DOCK3: variants seen among roughly 807,000 people sequenced by gnomAD.
DOCK3 encodes the protein dedicator of cytokinesis protein 3.
A neutral mutation model predicts 265.6 loss-of-function variants in DOCK3; 60 were observed. That is an observed-to-expected ratio of 0.23 (90% CI 0.18 to 0.28). DOCK3 has a LOEUF of 0.28. DOCK3 is among the 10% of genes least tolerant of loss of function. DOCK3 has a pLI of 1.00. For synonymous variants in DOCK3, 881 were observed against 938.0 expected (o/e 0.94, Z 1.11); for missense variants, 1,981 against 2,594.3 (o/e 0.76, Z 5.14).
chr3:50,965,657 G>A (rs2077006388), intron 5 of DOCK3, among the ~76,000 whole-genome samples: 1 of 151,918 alleles, frequency 6.6e-6, no homozygotes, highest in African/African-American at 2.4e-5. Context: ...TTAGTTTAAC[G>A]CTTTCTTACA....
At chr3:51,017,962 G>A (rs9861513) in intron 5 of DOCK3, among the ~76,000 whole-genome samples, 136,218 of 151,236 alleles carry the variant, frequency 0.9, 61,590 homozygotes, top group African/African-American at 0.95. Context: ...GCACGATCTC[G>A]GCTCACTGTA....
intron 5 of DOCK3, among the ~76,000 whole-genome samples, chr3:51,053,110 T>TATATATATATATAG (rs2081066376): frequency 8.0e-6 from 1 of 125,150 alleles, no homozygotes; most frequent in Admixed American, 8.3e-5. Context: ...TATATATATA[T>TATATATATATATAG]ATATATATAT....
intron 5 of DOCK3, among the ~76,000 whole-genome samples, chr3:51,017,405 A>T (rs1218151455): frequency 6.6e-6 from 1 of 150,464 alleles, no homozygotes; most frequent in Non-Finnish European, 1.5e-5. Flanking sequence ...GCTAACTTTG[A>T]GTTTGGTTTG....
At chr3:50,739,792 G>A (rs193209235) in intron 1 of DOCK3, among the ~76,000 whole-genome samples, 5 of 151,984 alleles carry the variant, frequency 3.3e-5, no homozygotes, top group Admixed American at 3.3e-4. Flanking sequence ...TCTGTTATCT[G>A]TTTCCTTCTC....
intron 16 of DOCK3, 77 bp downstream of exon 16, chr3:51,227,522 T>A (rs1239306502): frequency 1.3e-6 from 2 of 1,563,634 alleles, no homozygotes; most frequent in African/African-American, 2.7e-5. Flanking sequence ...CAGAATTAAG[T>A]GGATTCTTAT....
chr3:51,147,453 T>C (rs1261870079), intron 10 of DOCK3, among the ~76,000 whole-genome samples: 1 of 152,182 alleles, frequency 6.6e-6, no homozygotes, highest in African/African-American at 2.4e-5. Flanking sequence ...TAACTCGTGA[T>C]TTACATTAAG....
At chr3:51,032,648 C>T (rs1356403798) in intron 5 of DOCK3, among the ~76,000 whole-genome samples, 1 of 152,080 alleles carries the variant, frequency 6.6e-6, no homozygotes, top group Non-Finnish European at 1.5e-5. Flanking sequence ...TGGCTAACAT[C>T]TATAATCACA....
At chr3:51,082,269 TGC>T (rs2082268920) in intron 7 of DOCK3, among the ~76,000 whole-genome samples, 1 of 151,560 alleles carries the variant, frequency 6.6e-6, no homozygotes, top group South Asian at 2.1e-4. Flanking sequence ...CCCACCAGAC[TGC>T]GTTTTTCTAC....
At chr3:50,860,745 C>T (rs1038416609) in intron 3 of DOCK3, among the ~76,000 whole-genome samples, 10 of 152,362 alleles carry the variant, frequency 6.6e-5, no homozygotes, top group East Asian at 5.8e-4. Context: ...TGCCCCTCCC[C>T]CTGGGAGCTC....
Position 51,333,170 on chromosome 3 carries a change from G to C in DOCK3, c.3528G>C (p.Lys1176Asn). 6.2e-7 allele frequency: 1 copy of C among 1,614,006 alleles called. No homozygotes were observed. The highest frequency in any genetic ancestry group is 8.5e-7 in the Non-Finnish European group (1 of 1,179,898). The change falls in exon 35 of 53, where the codon AAG becomes AAC. Residue 1176 changes from lysine (K) to asparagine (N), a missense_variant. Lys to Asn is a moderately conservative substitution (Grantham distance 94). Coordinates refer to ENST00000266037, the MANE Select transcript of DOCK3 (RefSeq NM_004947.5). The part of the protein sequence containing the change: ...LFGPYPSLLE[K>N]VEQETWRETG... ...CCTCCACCAATAGCCTGCTGGAGAA[G>C]GTTGAACAAGAAACATGGCGCGAGA...
chr3:51,150,353 C>G (rs1451638203), intron 10 of DOCK3, among the ~76,000 whole-genome samples: 2 of 152,092 alleles, frequency 1.3e-5, no homozygotes, highest in Non-Finnish European at 2.9e-5. Flanking sequence ...CTGCTCTGAT[C>G]TCAGTTATTT....
At chr3:50,822,588 C>T (rs1453697486) in intron 2 of DOCK3, among the ~76,000 whole-genome samples, 2 of 152,036 alleles carry the variant, frequency 1.3e-5, no homozygotes, top group Admixed American at 6.5e-5. Flanking sequence ...CCTCAAACTT[C>T]TGGGCTCAAA....
chr3:50,892,799 T>G (rs1219361797), intron 4 of DOCK3, among the ~76,000 whole-genome samples: 2 of 152,066 alleles, frequency 1.3e-5, no homozygotes, highest in Non-Finnish European at 2.9e-5. Context: ...TCCCATCATT[T>G]CAATGCATCA....
chr3:51,003,377 T>C (rs1465630017), intron 5 of DOCK3, among the ~76,000 whole-genome samples: 4 of 152,200 alleles, frequency 2.6e-5, no homozygotes, highest in Non-Finnish European at 4.4e-5. Flanking sequence ...ACAAGTGAAA[T>C]TCTAGAATCT....
At chr3:50,895,204 C>CTTTT (rs34645584) in intron 4 of DOCK3, among the ~76,000 whole-genome samples, 1 of 121,978 alleles carries the variant, frequency 8.2e-6, no homozygotes, top group African/African-American at 3.0e-5. Context: ...TTTATCCCCG[C>CTTTT]TTTTTTTTTT....
chr3:51,375,820 T>A lies in DOCK3; in HGVS notation c.5485T>A (p.Ser1829Thr). Residue 1829 changes from serine (S) to threonine (T), a missense_variant, in exon 51 of 53, where the codon TCT becomes ACT. By Grantham distance (58) the Ser-to-Thr change is moderately conservative (BLOSUM62 1). Transcript: ENST00000266037. Reference protein sequence around the residue: ...ACKPCSDPNLSVAEKGHYSLH... With the variant: ...ACKPCSDPNLTVAEKGHYSLH... ...CAAACCCTGCAGTGATCCCAATCTGTCTGTGGCTGAAAAAGGTATTGTTGC... is the reference window on the plus strand; with the variant it reads ...CAAACCCTGCAGTGATCCCAATCTGACTGTGGCTGAAAAAGGTATTGTTGC... 3 of 1,613,994 alleles carry A rather than the reference T, an allele frequency of 1.9e-6. No individual in the cohort carries two copies. Among genetic ancestry groups the A allele is most frequent in the Non-Finnish European group, 2.5e-6 (3 of 1,179,886 alleles).
chr3:50,909,985 T>C (rs1225250329), intron 4 of DOCK3, among the ~76,000 whole-genome samples: 1 of 152,096 alleles, frequency 6.6e-6, no homozygotes, highest in African/African-American at 2.4e-5. Context: ...CAAGCTTTGA[T>C]ATTCTTTTCT....
chr3:50,787,092 TTGAACGATTTA>T, intron 2 of DOCK3: 1 of 724,912 alleles, frequency 1.4e-6, no homozygotes, highest in Non-Finnish European at 2.6e-6. Context: ...ATCCAGTTTC[TTGAACGATTTA>T]TTACAGGCAA....
intron 2 of DOCK3, among the ~76,000 whole-genome samples, chr3:50,820,423 A>G (rs1411639648): frequency 6.6e-6 from 1 of 152,190 alleles, no homozygotes; most frequent in African/African-American, 2.4e-5. Flanking sequence ...GAACATGTGT[A>G]TTTAGTTTTC....
Sources: gnomAD v4.1 joint callset for allele counts (sites outside exome capture counted in the v4.1 genomes callset) on GRCh38, gnomAD v4.1.1 for gene constraint, MANE v1.5 for transcripts, NCBI Gene and HGNC (gene_info 2026-07-23, HGNC 2026-07-21) for gene names.